The following SVEP1 variants were observed in gnomAD, a reference collection of about 807,000 sequenced individuals.
The protein encoded by SVEP1 is sushi, von Willebrand factor type A, EGF and pentraxin domain-containing protein 1.
Under a neutral mutation model 367.3 loss-of-function variants are expected in SVEP1, and 164 were observed. That is an observed-to-expected ratio of 0.45 (90% CI 0.39 to 0.51). The LOEUF is 0.51. SVEP1 is among the 20% of genes least tolerant of loss of function. The pLI, the probability that SVEP1 is intolerant of heterozygous loss-of-function variation, is 0.00. For missense variants in SVEP1, 4,117 were observed against 4,425.3 expected (o/e 0.93, Z 1.98); for synonymous variants, 1,666 against 1,611.6 (o/e 1.03, Z -0.81).
intron 3 of SVEP1, among the ~76,000 whole-genome samples, chr9:110,522,192 A>T (rs980511695): frequency 6.6e-6 from 1 of 152,180 alleles, no homozygotes; most frequent in Non-Finnish European, 1.5e-5. Context: ...ACAGGGTTTC[A>T]ACTTGAACCT....
intron 22 of SVEP1, among the ~76,000 whole-genome samples, chr9:110,452,716 T>C (rs74316615): frequency 0.033 from 5,046 of 152,302 alleles, 80 homozygotes; most frequent in Middle Eastern, 0.058. Context: ...GTTCATAAGA[T>C]AAAAATGATT....
chr9:110,540,183 A>G (rs1830126662), intron 3 of SVEP1, among the ~76,000 whole-genome samples: 2 of 152,032 alleles, frequency 1.3e-5, no homozygotes, highest in South Asian at 4.1e-4. Flanking sequence ...CATCATTCTC[A>G]CTATCCAAAT....
In SVEP1 at chr9:110,411,205, G is replaced by A. The variant is rs1261321256; in HGVS notation, c.6506C>T (p.Ala2169Val). Residue 2169 changes from alanine to valine, a missense_variant, in exon 37 of 48, where the codon GCT becomes GTT. Physicochemically the swap from Ala to Val is moderately conservative, Grantham distance 64. This residue lies in a region of SVEP1 where 1,765 missense variants were observed against 1,781.1 expected (regional missense o/e 0.99). Transcript: ENST00000374469. The part of the protein sequence containing the change: ...GSNYSFGAMV[A>V]YSCNKGFYIK... ...GTAGAACCCCTTGTTGCAGCTGTAA[G>A]CCACCATGGCTCCAAAACTGTAGTT... The A allele has an allele frequency of 1.9e-6, 3 of 1,614,030 alleles. No individual in the cohort carries two copies. In the Admixed American group the frequency reaches 5.0e-5, roughly 27 times the overall value.
chr9:110,557,814 C>A (rs1267465444), intron 1 of SVEP1, among the ~76,000 whole-genome samples: 4 of 152,030 alleles, frequency 2.6e-5, no homozygotes, highest in Non-Finnish European at 2.9e-5. Flanking sequence ...AAGAGGTTAA[C>A]CCTCTTATTT....
chr9:110,516,564 T>G (rs1389824481), intron 3 of SVEP1, among the ~76,000 whole-genome samples: 2 of 152,092 alleles, frequency 1.3e-5, no homozygotes, highest in Non-Finnish European at 2.9e-5. Flanking sequence ...TTTCTTTCTA[T>G]AAAATATCAG....
In SVEP1 at chr9:110,388,400, GTGGTTC is replaced by G. The variant is rs1308052597; in HGVS notation, c.9887-948_9887-943del. ...TATAATTTTTGTGAAGGCAGAGAAG[GTGGTTC>G]TAGACTAGTGCTTCTCAAGTTTGGC... On this transcript the variant is annotated intron_variant, in intron 41 of 47. Transcript: ENST00000374469. 2.6e-5 allele frequency among the ~76,000 whole-genome samples: 4 copies of G among 152,164 alleles called. No individual in the cohort carries two copies. The East Asian group carries it at 7.7e-4, about 29-fold the overall frequency.
intron 3 of SVEP1, among the ~76,000 whole-genome samples, chr9:110,519,784 G>T (rs10980424): frequency 0.16 from 24,596 of 152,146 alleles, 2,098 homozygotes; most frequent in African/African-American, 0.2. Context: ...ATGAAGTGAA[G>T]GGACAGTAGA....
At position 110,432,027 on chromosome 9, in the gene SVEP1, A is replaced by G. The variant is rs960050083; in HGVS notation, c.5241T>C (p.Asp1747=). ...NGVSPSCLDV[D]ECAVGSDCSE... Reference sequence around the variant, plus strand: ...TACAATCTGATCCAACTGCACACTCATCGACATCTAAAATGAAGACAGCTT... The same window carrying G: ...TACAATCTGATCCAACTGCACACTCGTCGACATCTAAAATGAAGACAGCTT... The change falls in exon 32 of 48, where the codon GAT becomes GAC. Residue 1747 remains aspartate, a synonymous_variant. Transcript: ENST00000374469. The G allele has an allele frequency of 1.3e-6, 2 of 1,598,908 alleles. No individual in the cohort carries two copies. Among genetic ancestry groups the G allele is most frequent in the Admixed American group, 1.8e-5 (1 of 56,304 alleles).
intron 42 of SVEP1, among the ~76,000 whole-genome samples, chr9:110,386,567 T>A (rs532554237): frequency 1.6e-3 from 241 of 152,190 alleles, no homozygotes; most frequent in African/African-American, 5.5e-3. Context: ...TTTAGACTCA[T>A]ACTGCTATGG....
intron 43 of SVEP1, among the ~76,000 whole-genome samples, chr9:110,382,240 T>G (rs1277332439): frequency 6.6e-6 from 1 of 152,172 alleles, no homozygotes; most frequent in East Asian, 1.9e-4. Context: ...CCATATTTAG[T>G]GCTTCCTTCA....
Position 110,450,467 on chromosome 9 carries a change from G to GTTTT in SVEP1, c.3902-211_3902-208dup, listed in dbSNP as rs10656079. ...GTGGACTCTGAGTTTTTGATAATCT[G>GTTTT]TTTTTTTTTTTTTTTTTTTTGAGAC... is the stretch of plus-strand genomic sequence containing the variant. On this transcript the variant is annotated intron_variant, in intron 23 of 47. Transcript: ENST00000374469. 6.8e-3 allele frequency among the ~76,000 whole-genome samples: 696 copies of GTTTT among 102,096 alleles called. 33 individuals carry two copies. The highest frequency in any genetic ancestry group is 7.8e-3 in the East Asian group (26 of 3,324). The allele number at this position is 102,096 out of a possible 152,430, so 67.0% of individuals were successfully genotyped here.
rs1828690915 is a variant in SVEP1 at position 110,451,374 on chromosome 9, C to G, written c.3816G>C (p.Glu1272Asp). 1.2e-6 allele frequency: 2 copies of G among 1,613,650 alleles called. No individual in the cohort carries two copies. The highest frequency in any genetic ancestry group is 1.1e-5 in the South Asian group (1 of 91,068). The part of the protein sequence containing the change: ...TGQRCEENIN[E>D]CSSSPCLNKG... ...TATTTAAACAAGGACTGGAGCTACA[C>G]TCATTTATATTTTCTTCACACCGCT... The change falls in exon 23 of 48, where the codon GAG (glutamate) becomes GAC (aspartate). Residue 1272 changes from glutamate (E) to aspartate (D), a missense_variant. Transcript: ENST00000374469.
chr9:110,416,465 A>G (rs1314099206), intron 36 of SVEP1, among the ~76,000 whole-genome samples: 1 of 152,038 alleles, frequency 6.6e-6, no homozygotes, highest in East Asian at 1.9e-4. Context: ...ATCCAAATGT[A>G]ATAGGTTTTG....
rs559239228 is a variant in SVEP1 at position 110,483,442 on chromosome 9, A to G, written c.2038+144T>C. The G allele has an allele frequency of 8.4e-5, 39 of 465,974 alleles. No individual in the cohort carries two copies. In the South Asian group the frequency reaches 1.8e-3, roughly 22 times the overall value. The allele number at this position is 465,974 out of a possible 1,614,324, so 28.9% of individuals were successfully genotyped here. On this transcript the variant is annotated intron_variant, in intron 10 of 47. Transcript: ENST00000374469. ...AATGTTAAATTATAATTATTCTAGC[A>G]TTAAAACATGTTAACTTATATAATT... is the stretch of plus-strand genomic sequence containing the variant.
In SVEP1 at chr9:110,406,284, C is replaced by T. The variant is rs745523781; in HGVS notation, c.9316G>A (p.Glu3106Lys). The T allele has an allele frequency of 1.9e-6, 3 of 1,614,072 alleles. No individual in the cohort carries two copies. The highest frequency in any genetic ancestry group is 2.5e-6 in the Non-Finnish European group (3 of 1,179,900). ...TAAGGCTGGCTCCATACCCCTTTCTCTGTACAAATCAGATCTGAACTGCCT... is the reference window on the plus strand; with the variant it reads ...TAAGGCTGGCTCCATACCCCTTTCTTTGTACAAATCAGATCTGAACTGCCT... ...IQGSSDLICT[E>K]KGVWSQPYPV... Residue 3106 changes from glutamate (E) to lysine (K), a missense_variant, in exon 38 of 48, where the codon GAG (glutamate) becomes AAG (lysine). Transcript: ENST00000374469.
At position 110,546,233 on chromosome 9, in the gene SVEP1, A is replaced by T. The variant is rs1430406727; in HGVS notation, c.846T>A (p.Asp282Glu). Residue 282 changes from aspartate to glutamate, a missense_variant, in exon 3 of 48, where the codon GAT (aspartate) becomes GAA (glutamate). Asp to Glu is a conservative substitution (Grantham distance 45, BLOSUM62 2). Transcript: ENST00000374469. ...TTCGGTCACAGCAGTCCTTGCCTTC[A>T]TCACAAAGATATGAGCAGTGGACCA... The part of the protein sequence containing the change: ...DDMVHCSYLC[D>E]EGKDCCDRMG... The T allele has an allele frequency of 1.9e-6, 3 of 1,590,492 alleles. No homozygotes were observed. The highest frequency in any genetic ancestry group is 1.3e-5 in the African/African-American group (1 of 74,662).
rs779262071 is a variant in SVEP1 at position 110,406,380 on chromosome 9, A to G, written c.9220T>C (p.Phe3074Leu). 2 of 1,614,066 alleles carry G rather than the reference A, an allele frequency of 1.2e-6. No individual in the cohort carries two copies. Among genetic ancestry groups the G allele is most frequent in the Non-Finnish European group, 1.7e-6 (2 of 1,179,896 alleles). ...CGSLPMIPNA[F>L]ISETSSWKEN... ...TTCCAAGAGCTGGTCTCACTGATGAACGCATTTGGTATCATTGGAAGAGAA... is the reference window on the plus strand; with the variant it reads ...TTCCAAGAGCTGGTCTCACTGATGAGCGCATTTGGTATCATTGGAAGAGAA... Residue 3074 changes from phenylalanine to leucine, a missense_variant, in exon 38 of 48, where the codon TTC (phenylalanine) becomes CTC (leucine). Physicochemically the swap from Phe to Leu is conservative, Grantham distance 22 (BLOSUM62 0). Transcript: ENST00000374469.
chr9:110,466,075 T>C, intron 17 of SVEP1, 49 bp from the exon 18 acceptor site: 2 of 1,572,192 alleles, frequency 1.3e-6, no homozygotes, highest in Non-Finnish European at 1.7e-6. Context: ...TTAAGCTGCA[T>C]AAAATTAGTA....
chr9:110,433,334 G>A (rs1282726628), intron 30 of SVEP1, among the ~76,000 whole-genome samples: 1 of 126,838 alleles, frequency 7.9e-6, no homozygotes, highest in African/African-American at 3.1e-5. Context: ...CCTGCCTTAT[G>A]GAGCTTATTA....
Sources: gnomAD v4.1 joint callset for allele counts (sites outside exome capture counted in the v4.1 genomes callset) on GRCh38, gnomAD v4.1.1 for gene constraint, gnomAD v4.1.1 regional missense constraint, MANE v1.5 for transcripts, NCBI Gene and HGNC (gene_info 2026-07-23, HGNC 2026-07-21) for gene names.